CLSTN3: variants seen among roughly 807,000 people sequenced by gnomAD.
The protein encoded by CLSTN3 is calsyntenin-3.
In CLSTN3, 36 loss-of-function variants were observed where a neutral mutation model predicts 95.9. The observed-to-expected ratio is 0.38, with a 90% CI of 0.29 to 0.50. The LOEUF is 0.50. CLSTN3 is among the 20% of genes least tolerant of loss of function. The pLI, the probability that CLSTN3 is intolerant of heterozygous loss-of-function variation, is 0.95. For synonymous variants in CLSTN3, 481 were observed against 504.0 expected (o/e 0.95, Z 0.61); for missense variants, 1,084 against 1,268.8 (o/e 0.85, Z 2.21).
Position 7,137,988 on chromosome 12 carries a change from A to C in CLSTN3, c.1244A>C (p.His415Pro). The change falls in exon 8 of 18, where the codon CAC (histidine) becomes CCC (proline). Residue 415 changes from histidine (H) to proline (P), a missense_variant. By Grantham distance (77) the His-to-Pro change is moderately conservative (BLOSUM62 -2). Transcript: ENST00000266546. The surrounding 1 kb of genome is among the most constrained non-coding windows in gnomAD (Gnocchi z 4.4). Reference protein sequence around the residue: ...DGFSHYSLTVHGCRIAFLYWP... With the variant: ...DGFSHYSLTVPGCRIAFLYWP... The stretch of plus-strand genomic sequence containing the variant: ...TTCTCTCACTACTCGCTGACTGTCC[A>C]CGGCTGTAGGATTGCCTTCCTCTAC... 2 of 1,613,902 alleles carry C rather than the reference A, an allele frequency of 1.2e-6. No individual in the cohort carries two copies. The highest frequency in any genetic ancestry group is 3.3e-4 in the Middle Eastern group (2 of 6,060).
chr12:7,156,258 G>A (rs765084969), intron 16 of CLSTN3: 104 of 456,860 alleles, frequency 2.3e-4, no homozygotes, highest in East Asian at 4.9e-4. Flanking sequence ...CTGGAGGTGC[G>A]TGTGTGGGGT....
At chr12:7,139,500 A>C (rs1939490406) in intron 8 of CLSTN3, among the ~76,000 whole-genome samples, 1 of 152,190 alleles carries the variant, frequency 6.6e-6, no homozygotes, top group Admixed American at 6.5e-5. Flanking sequence ...GATAAGTTGC[A>C]GAGATGGGCA....
At chr12:7,144,350 T>A (rs1939586214) in intron 12 of CLSTN3, among the ~76,000 whole-genome samples, 1 of 152,134 alleles carries the variant, frequency 6.6e-6, no homozygotes, top group Non-Finnish European at 1.5e-5. Flanking sequence ...ATTACATGTT[T>A]AAAAATACAG....
intron 16 of CLSTN3, among the ~76,000 whole-genome samples, chr12:7,151,719 G>A (rs1357210645): frequency 2.6e-5 from 4 of 152,040 alleles, no homozygotes; most frequent in East Asian, 1.9e-4. Context: ...TTTGAGTTGC[G>A]TAATTGTAGA....
rs750254876 is a variant in CLSTN3 at position 7,142,881 on chromosome 12, C to T, written c.1553C>T (p.Ser518Leu). The stretch of plus-strand genomic sequence containing the variant: ...GTTCCTACCCTAGGAGACCCTTTGT[C>T]GATCCACCACTACTTCCATGGCTAC... ...STDTTQGDPL[S>L]IHHYFHGYLA... is the part of the protein sequence containing the mutation. The change falls in exon 11 of 18, where the codon TCG (serine) becomes TTG (leucine). Residue 518 changes from serine to leucine, a missense_variant. By Grantham distance (145) the Ser-to-Leu change is moderately radical (BLOSUM62 -2). Transcript: ENST00000266546. 2.0e-5 allele frequency: 33 copies of T among 1,613,974 alleles called. No homozygotes were observed. Among genetic ancestry groups the T allele is most frequent in the South Asian group, 2.2e-5 (2 of 91,074 alleles).
intron 16 of CLSTN3, among the ~76,000 whole-genome samples, chr12:7,152,831 T>C (rs1011355847): frequency 2.6e-5 from 4 of 152,210 alleles, no homozygotes; most frequent in Non-Finnish European, 4.4e-5. Context: ...TTCACGCAGC[T>C]AGAAAGTAAG....
intron 12 of CLSTN3, among the ~76,000 whole-genome samples, chr12:7,146,341 A>T (rs1175827720): frequency 6.6e-6 from 1 of 152,140 alleles, no homozygotes; most frequent in Non-Finnish European, 1.5e-5. Flanking sequence ...TCGAGGCTGC[A>T]GTGAGTCATG....
intron 5 of CLSTN3, 76 bp downstream of exon 5, chr12:7,136,029 C>A: frequency 1.3e-6 from 2 of 1,538,104 alleles, no homozygotes; most frequent in Non-Finnish European, 1.8e-6. Flanking sequence ...TTCTGACAAT[C>A]ATGGGGGCCA....
chr12:7,143,622 T>C (rs778845756), intron 12 of CLSTN3, among the ~76,000 whole-genome samples: 1 of 152,148 alleles, frequency 6.6e-6, no homozygotes, highest in South Asian at 2.1e-4. Flanking sequence ...GGATTGGGAG[T>C]GGGGAGACCT....
rs779614553 is a variant in CLSTN3, at chr12:7,150,378, T to C, written c.2246-166T>C. On this transcript the variant is annotated intron_variant, in intron 14 of 17. Coordinates refer to ENST00000266546, the MANE Select transcript of CLSTN3 (RefSeq NM_014718.4). This position sits in a 1 kb window ranked among gnomAD's most constrained non-coding sequence, Gnocchi z 4.0. ...CCTAGTTAGTCAGAGTGGGCAGGGA[T>C]GGAGGGGAGCATCCCTCCCTTCGAC... The C allele has an allele frequency of 2.9e-6, 2 of 681,838 alleles. No homozygotes were observed. Among genetic ancestry groups the C allele is most frequent in the Non-Finnish European group, 4.8e-6 (2 of 418,582 alleles). 42.2% of individuals were successfully genotyped at this position (681,838 alleles called of 1,614,324 possible).
chr12:7,133,079 T>C lies in CLSTN3; in HGVS notation c.120T>C (p.Asn40=). ...EAEYQGIVME[N]DNTVLLNPPL... ...AGTACCAGGGCATCGTCATGGAGAA[T>C]GACAACACGGTCCTACTGAATCCAC... Residue 40 remains asparagine, a synonymous_variant, in exon 2 of 18, where the codon AAT becomes AAC. Transcript: ENST00000266546. This position sits in a 1 kb window ranked among gnomAD's most constrained non-coding sequence, Gnocchi z 4.7. The C allele has an allele frequency of 6.2e-7, 1 of 1,614,030 alleles. No individual in the cohort carries two copies. Among genetic ancestry groups the C allele is most frequent in the Non-Finnish European group, 8.5e-7 (1 of 1,179,986 alleles).
At chr12:7,132,068 C>G (rs946815806) in intron 1 of CLSTN3, among the ~76,000 whole-genome samples, 1 of 152,018 alleles carries the variant, frequency 6.6e-6, no homozygotes, top group Non-Finnish European at 1.5e-5. Flanking sequence ...AGGAAATATG[C>G]TTCCCCACAG....
chr12:7,143,177 C>T lies in CLSTN3; in HGVS notation c.1713C>T (p.Pro571=), dbSNP rs1488311071. 6.2e-7 allele frequency: 1 copy of T among 1,613,762 alleles called. No homozygotes were observed. Among genetic ancestry groups the T allele is most frequent in the Non-Finnish European group, 8.5e-7 (1 of 1,179,786 alleles). Residue 571 remains proline (P), a synonymous_variant, in exon 12 of 18, where the codon CCC becomes CCT. Transcript: ENST00000266546. ...CTGGGGCCCAGGTCCACGTGAACCC[C>T]TCACAGTCCCTGCTCACCCTGGAGG... ...LGKGMKVHVN[P]SQSLLTLEGD...
chr12:7,133,864 A>AC lies in CLSTN3; in HGVS notation c.383+101dup. ...CTGTCCGTGCGGTCATCGAATATCC[A>AC]CCCCCACCCGCTGCTGTTCCTAGGA... On this transcript the variant is annotated intron_variant, in intron 3 of 17. Transcript: ENST00000266546. This position sits in a 1 kb window ranked among gnomAD's most constrained non-coding sequence, Gnocchi z 4.7. The AC allele has an allele frequency of 1.0e-6, 1 of 993,890 alleles. No individual in the cohort carries two copies. The highest frequency in any genetic ancestry group is 2.9e-5 in the Admixed American group (1 of 34,668). 61.6% of individuals were successfully genotyped at this position (993,890 alleles called of 1,614,324 possible).
Position 7,149,548 on chromosome 12 carries a change from GAT to G in CLSTN3, c.2101_2102del (p.Ile701CysfsTer8). ...TGACAGACACACGCATGTCGGATGA[GAT>G]TGTGCACAACCTGGATGGCTGTGAA... ...TVTDTRMSDEIVHNLDGCEIS... is the reference protein window; with the variant it reads ...TVTDTRMSDEXVHNLDGCEIS... On this transcript the variant is annotated frameshift_variant, in exon 14 of 18. Coordinates refer to ENST00000266546, the MANE Select transcript of CLSTN3 (RefSeq NM_014718.4). LOFTEE classifies it high-confidence loss of function. The surrounding 1 kb of genome is among the most constrained non-coding windows in gnomAD (Gnocchi z 4.5). 2 of 1,614,062 alleles carry G rather than the reference GAT, an allele frequency of 1.2e-6. No individual in the cohort carries two copies. The highest frequency in any genetic ancestry group is 1.7e-6 in the Non-Finnish European group (2 of 1,179,944).
At chr12:7,156,042 C>T (rs958043207) in intron 16 of CLSTN3, 8 of 354,296 alleles carry the variant, frequency 2.3e-5, no homozygotes, top group African/African-American at 1.1e-4. Flanking sequence ...AGGTAATTTG[C>T]GGACGGGGCT....
chr12:7,148,562 G>A (rs1027793536), intron 12 of CLSTN3, among the ~76,000 whole-genome samples: 46 of 152,212 alleles, frequency 3.0e-4, no homozygotes, highest in Admixed American at 2.7e-3. Flanking sequence ...CATATGTGCC[G>A]GATAGTATAC....
Position 7,137,756 on chromosome 12 carries a change from A to ATGTG in CLSTN3, c.1211-162_1211-159dup, listed in dbSNP as rs35489298. ...AGCCCAAGTTATCACTTGGACTGGA[A>ATGTG]TGTGTGTGTGTGTGTGTGTGTGTGT... On this transcript the variant is annotated intron_variant, in intron 7 of 17. Coordinates refer to ENST00000266546, the MANE Select transcript of CLSTN3 (RefSeq NM_014718.4). The surrounding 1 kb of genome is among the most constrained non-coding windows in gnomAD (Gnocchi z 4.4). Among the ~76,000 whole-genome samples, 893 of 76,088 alleles carry ATGTG rather than the reference A, an allele frequency of 0.012. 20 individuals carry two copies. The highest frequency in any genetic ancestry group is 0.032 in the African/African-American group (545 of 16,780). The allele number at this position is 76,088 out of a possible 152,430, so 49.9% of individuals were successfully genotyped here.
At chr12:7,148,736 C>T (rs1939670620) in intron 12 of CLSTN3, among the ~76,000 whole-genome samples, 1 of 152,154 alleles carries the variant, frequency 6.6e-6, no homozygotes, top group Admixed American at 6.5e-5. Context: ...GTTGGGATTA[C>T]CTGACCTTCT....
Sources: gnomAD v4.1 joint callset for allele counts (sites outside exome capture counted in the v4.1 genomes callset) on GRCh38, gnomAD v4.1.1 for gene constraint, Gnocchi (gnomAD v3.1) non-coding constraint, MANE v1.5 for transcripts, NCBI Gene and HGNC (gene_info 2026-07-23, HGNC 2026-07-21) for gene names.